Variants in SGCD observed in about 807,000 individuals in gnomAD.
SGCD encodes the protein sarcoglycan delta, also known as delta-sarcoglycan.
In SGCD, 18 loss-of-function variants were observed where a neutral mutation model predicts 36.6. The observed-to-expected ratio is 0.49, with a 90% CI of 0.34 to 0.73. SGCD has a LOEUF of 0.73. SGCD is among the 30% of genes least tolerant of loss of function. The probability of loss-of-function intolerance (pLI) is 0.01; values close to 1 mark genes in which losing one functional copy is unlikely to be tolerated. For synonymous variants in SGCD, 133 were observed against 130.6 expected, an observed-to-expected ratio of 1.02 and a Z score of -0.12; for missense variants, 387 against 346.7, an observed-to-expected ratio of 1.12 and a Z score of -0.92.
At chr5:156,726,710 A>C (rs949042047) in intron 7 of SGCD, among the ~76,000 whole-genome samples, 1 of 152,154 alleles carries the variant, frequency 6.6e-6, no homozygotes, top group African/African-American at 2.4e-5. Context: ...CGCCAGGCCC[A>C]GCTCAGATTC....
the SGCD span, among the ~76,000 whole-genome samples, chr5:155,844,587 G>A: frequency 1.3e-5 from 2 of 152,274 alleles, no homozygotes; most frequent in Non-Finnish European, 2.9e-5. Flanking sequence ...AAATAAAAGA[G>A]AAAGAACTGA....
At chr5:156,395,249 G>A (rs1771787893) in intron 3 of SGCD, among the ~76,000 whole-genome samples, 1 of 152,202 alleles carries the variant, frequency 6.6e-6, no homozygotes, top group African/African-American at 2.4e-5. Context: ...CTTGCAGGCT[G>A]TGCCATGGAG....
At chr5:156,290,606 A>G (rs1278642240) in intron 3 of SGCD, among the ~76,000 whole-genome samples, 1 of 152,304 alleles carries the variant, frequency 6.6e-6, no homozygotes, top group Non-Finnish European at 1.5e-5. Flanking sequence ...TTCCTGGTAC[A>G]TATTAAATGT....
At chr5:155,739,411 T>C in the SGCD span, among the ~76,000 whole-genome samples, 1 of 151,920 alleles carries the variant, frequency 6.6e-6, no homozygotes, top group Non-Finnish European at 1.5e-5. Context: ...AGTGGGTGAG[T>C]AGGTGGTAGG....
chr5:156,518,470 G>A (rs765833485), intron 4 of SGCD, among the ~76,000 whole-genome samples: 1 of 152,114 alleles, frequency 6.6e-6, no homozygotes, highest in Non-Finnish European at 1.5e-5. Context: ...CTTGAACTCA[G>A]CTCTGGATCA....
chr5:155,858,135 A>C, the SGCD span, among the ~76,000 whole-genome samples: 3,020 of 152,120 alleles, frequency 0.02, 88 homozygotes, highest in African/African-American at 0.067. Context: ...TATTTCAATT[A>C]CTTCAGTCTA....
intron 1 of SGCD, among the ~76,000 whole-genome samples, chr5:156,022,627 T>C (rs1386939118): frequency 6.6e-6 from 1 of 152,234 alleles, no homozygotes; most frequent in African/African-American, 2.4e-5. Flanking sequence ...GTTTTAGTGA[T>C]GGTATGTAGG....
At chr5:156,311,261 A>T (rs186254038) in intron 3 of SGCD, among the ~76,000 whole-genome samples, 1 of 152,206 alleles carries the variant, frequency 6.6e-6, no homozygotes, top group East Asian at 1.9e-4. Context: ...GTCATTTCAT[A>T]TGAAGTTTTG....
intron 7 of SGCD, among the ~76,000 whole-genome samples, chr5:156,684,420 C>G (rs554076240): frequency 3.9e-5 from 6 of 152,210 alleles, no homozygotes; most frequent in Non-Finnish European, 8.8e-5. Flanking sequence ...CTCCTCTGCG[C>G]TATAGATTCC....
the SGCD span, among the ~76,000 whole-genome samples, chr5:155,825,739 T>TTGTTG: frequency 2.1e-5 from 3 of 144,780 alleles, no homozygotes; most frequent in Non-Finnish European, 4.5e-5. Context: ...TTTTTTTTTT[T>TTGTTG]TTGTTGTTGT....
At chr5:156,683,155 T>C (rs1232584461) in intron 7 of SGCD, among the ~76,000 whole-genome samples, 2 of 152,210 alleles carry the variant, frequency 1.3e-5, no homozygotes, top group Admixed American at 1.3e-4. Context: ...TTTAGTTCCA[T>C]CAAATGAACC....
intron 1 of SGCD, among the ~76,000 whole-genome samples, chr5:156,108,501 G>A (rs1209759296): frequency 8.6e-5 from 13 of 151,954 alleles, no homozygotes. Context: ...CATTAAATAA[G>A]TATAATCTGT....
intron 3 of SGCD, among the ~76,000 whole-genome samples, chr5:156,494,863 G>T (rs1279152411): frequency 6.6e-6 from 1 of 152,076 alleles, no homozygotes; most frequent in East Asian, 1.9e-4. Flanking sequence ...CCTGTACTCA[G>T]ACCTTCCCAG....
Position 156,288,062 on chromosome 5 carries a change from A to C in SGCD, c.-43-41472A>C, listed in dbSNP as rs758609445. Among the ~76,000 whole-genome samples, 47 of 152,274 alleles carry C rather than the reference A, an allele frequency of 3.1e-4. 1 individual carries two copies. The highest frequency in any genetic ancestry group is 5.4e-4 in the Non-Finnish European group (37 of 68,002). On this transcript the variant is annotated intron_variant, in intron 3 of 9. Transcript: ENST00000517913. ...GGACTAAGAGAACCTAAAAACATAA[A>C]AGCTGTGCAAGGAGAATCTTGAGAC...
At chr5:155,937,132 C>A (rs1757223503) in intron 1 of SGCD, among the ~76,000 whole-genome samples, 1 of 152,156 alleles carries the variant, frequency 6.6e-6, no homozygotes, top group South Asian at 2.1e-4. Context: ...GTGCCTGCTC[C>A]CAGCCCCAAA....
chr5:156,068,619 G>A (rs1026420118), intron 1 of SGCD, among the ~76,000 whole-genome samples: 8 of 151,846 alleles, frequency 5.3e-5, no homozygotes, highest in East Asian at 1.9e-4. Flanking sequence ...ATGATTTATA[G>A]TCCTTTGGGT....
intron 3 of SGCD, among the ~76,000 whole-genome samples, chr5:156,428,147 T>G (rs1329208044): frequency 6.6e-6 from 1 of 152,190 alleles, no homozygotes; most frequent in African/African-American, 2.4e-5. Context: ...AGAATTCTGC[T>G]GTGAATTCAT....
chr5:156,710,877 A>G lies in SGCD; in HGVS notation c.576-46704A>G, dbSNP rs1222511856. Reference sequence around the variant, plus strand: ...GGATCAAAAAAGACCTGGAAAGGGAAGAAGATTCTCTACAGAATGTAAATT... The same window carrying G: ...GGATCAAAAAAGACCTGGAAAGGGAGGAAGATTCTCTACAGAATGTAAATT... On this transcript the variant is annotated intron_variant, in intron 7 of 8. Coordinates refer to ENST00000337851, the MANE Select transcript of SGCD (RefSeq NM_000337.6). Among the ~76,000 whole-genome samples the G allele has an allele frequency of 2.0e-5, 3 of 152,222 alleles. No individual in the cohort carries two copies. The East Asian group carries it at 5.8e-4, about 29-fold the overall frequency.
chr5:156,090,363 G>T (rs1371591613), intron 1 of SGCD, among the ~76,000 whole-genome samples: 1 of 152,146 alleles, frequency 6.6e-6, no homozygotes, highest in South Asian at 2.1e-4. Context: ...ACAAAGAGAA[G>T]AATTTTACAG....
Sources: allele counts gnomAD v4.1 joint callset (sites outside exome capture counted in the v4.1 genomes callset), GRCh38; gene constraint gnomAD v4.1.1; transcripts MANE v1.5; gene names NCBI Gene and HGNC (gene_info 2026-07-23, HGNC 2026-07-21).